The following SYNE1 variants were observed in gnomAD, a reference collection of about 807,000 sequenced individuals.
SYNE1 encodes spectrin repeat containing nuclear envelope protein 1.
SYNE1 carries 616 observed loss-of-function variants against 1,111.0 expected under a neutral mutation model. That is an observed-to-expected ratio of 0.55 (90% CI 0.52 to 0.59). SYNE1 has a LOEUF of 0.59. Ranked by LOEUF, SYNE1 falls within the 20% of genes least tolerant of loss-of-function variation. The probability of loss-of-function intolerance (pLI) is 0.00; values close to 1 mark genes in which losing one functional copy is unlikely to be tolerated. For missense variants in SYNE1, 10,006 were observed against 10,417.0 expected (o/e 0.96, Z 1.72); for synonymous variants, 3,855 against 3,825.8 (o/e 1.01, Z -0.28).
chr6:152,204,405 A>G (rs79497279), intron 126 of SYNE1, among the ~76,000 whole-genome samples: 1,578 of 151,772 alleles, frequency 0.01, 32 homozygotes, highest in African/African-American at 0.036. Flanking sequence ...AAGAAAGATA[A>G]AAAAGATCAG....
At chr6:152,608,432 A>G (rs1285738501) in intron 3 of SYNE1, among the ~76,000 whole-genome samples, 1 of 152,212 alleles carries the variant, frequency 6.6e-6, no homozygotes, top group African/African-American at 2.4e-5. Flanking sequence ...AGCACACACA[A>G]AATATTAGTT....
chr6:152,148,314 G>A lies in SYNE1; in HGVS notation c.24707C>T (p.Ser8236Leu), dbSNP rs772737595. Residue 8236 changes from serine to leucine, a missense_variant, in exon 137 of 146, where the codon TCG becomes TTG. By Grantham distance (145) the Ser-to-Leu change is moderately radical (BLOSUM62 -2). Transcript: ENST00000367255. This position sits in a 1 kb window ranked among gnomAD's most constrained non-coding sequence, Gnocchi z 4.1. ...AGAGCGGTCGTGCCAGTGCAGGTCC[G>A]ACAGAGCTGCAGAGTCTTCCAGCTC... ...ELELEDSAALSDLHWHDRSAD... is the reference protein window; with the variant it reads ...ELELEDSAALLDLHWHDRSAD... 6 of 1,614,088 alleles carry A rather than the reference G, an allele frequency of 3.7e-6. No individual in the cohort carries two copies. Among genetic ancestry groups the A allele is most frequent in the Non-Finnish European group, 1.7e-6 (2 of 1,179,992 alleles).
intron 91 of SYNE1, among the ~76,000 whole-genome samples, chr6:152,302,430 A>G (rs2095226845): frequency 6.6e-6 from 1 of 152,260 alleles, no homozygotes; most frequent in Non-Finnish European, 1.5e-5. Flanking sequence ...GAAATTTACC[A>G]GATGGTTCCT....
rs766371549 is a variant in SYNE1 at position 152,224,516 on chromosome 6, T to G, written c.21500A>C (p.Gln7167Pro). ...TACCTGAAGATTGTCCACCTGAACT[T>G]GCACAGCTTCTAAGGAGCCAGTCAG... ...RLLTGSLEAV[Q>P]VQVDNLQNLQ... Residue 7167 changes from glutamine to proline, a missense_variant, in exon 117 of 146, where the codon CAA becomes CCA. Gln to Pro is a moderately conservative substitution (Grantham distance 76, BLOSUM62 -1). Around this residue, in one of 7 missense-constraint regions of SYNE1, gnomAD observed 2,182 missense variants for 2,287.8 expected, o/e 0.95. Coordinates refer to ENST00000367255, the MANE Select transcript of SYNE1 (RefSeq NM_182961.4). The G allele has an allele frequency of 6.2e-7, 1 of 1,613,950 alleles. No homozygotes were observed.
chr6:152,500,707 T>C (rs2099024811), intron 10 of SYNE1, among the ~76,000 whole-genome samples: 1 of 152,116 alleles, frequency 6.6e-6, no homozygotes, highest in South Asian at 2.1e-4. Context: ...CCCAGCACTT[T>C]GGGAGGCCGA....
chr6:152,305,467 A>G (rs914825879), intron 91 of SYNE1, among the ~76,000 whole-genome samples: 15 of 151,860 alleles, frequency 9.9e-5, no homozygotes, highest in African/African-American at 2.9e-4. Context: ...GTTTCACCAT[A>G]TTGGCCAGGC....
chr6:152,570,345 T>C (rs1001162711), intron 3 of SYNE1, among the ~76,000 whole-genome samples: 1 of 152,210 alleles, frequency 6.6e-6, no homozygotes, highest in South Asian at 2.1e-4. Context: ...ACCATTACTA[T>C]ATCATATATA....
chr6:152,317,938 T>A, intron 86 of SYNE1, 143 bp downstream of exon 86: 4 of 1,056,890 alleles, frequency 3.8e-6, no homozygotes, highest in Non-Finnish European at 4.3e-6. Context: ...ATCACAAGTG[T>A]AGCATGAAAT....
At chr6:152,173,780 A>C (rs1435763101) in intron 130 of SYNE1, among the ~76,000 whole-genome samples, 1 of 152,212 alleles carries the variant, frequency 6.6e-6, no homozygotes, top group African/African-American at 2.4e-5. Context: ...TTATCTGGGT[A>C]TTCTGAGGCT....
intron 11 of SYNE1, among the ~76,000 whole-genome samples, chr6:152,495,763 C>T (rs1342410638): frequency 6.6e-6 from 1 of 152,174 alleles, no homozygotes; most frequent in African/African-American, 2.4e-5. Flanking sequence ...CTAACCCTAG[C>T]CAATAGGGGA....
At chr6:152,571,975 A>G (rs1002052936) in intron 3 of SYNE1, among the ~76,000 whole-genome samples, 1 of 152,180 alleles carries the variant, frequency 6.6e-6, no homozygotes, top group Non-Finnish European at 1.5e-5. Context: ...CATATTTGTA[A>G]TTACAATAAC....
intron 87 of SYNE1, among the ~76,000 whole-genome samples, chr6:152,312,174 G>A (rs746973140): frequency 5.3e-5 from 8 of 150,656 alleles, no homozygotes; most frequent in Middle Eastern, 3.5e-3. Flanking sequence ...ATCTGTATAT[G>A]ATATATGATA....
intron 3 of SYNE1, among the ~76,000 whole-genome samples, chr6:152,568,289 C>CTTTTTTTTT (rs10601350): frequency 1.0e-4 from 8 of 80,310 alleles, no homozygotes; most frequent in African/African-American, 2.0e-4. Flanking sequence ...TTATTTTATT[C>CTTTTTTTTT]TTTTTTTTTT....
chr6:152,458,464 C>T (rs2098711445), intron 22 of SYNE1, among the ~76,000 whole-genome samples: 1 of 152,110 alleles, frequency 6.6e-6, no homozygotes, highest in African/African-American at 2.4e-5. Flanking sequence ...CAAAACAAAC[C>T]ATTTTTTCTA....
In SYNE1 at chr6:152,247,746, TATATAC is replaced by T. The variant is rs1441122768; in HGVS notation, c.19572+1409_19572+1414del. On this transcript the variant is annotated intron_variant, in intron 105 of 145. Coordinates refer to ENST00000367255, the MANE Select transcript of SYNE1 (RefSeq NM_182961.4). ...TTTTTATTATATATATATATATATA[TATATAC>T]ACACACACACACACACACACACACA... Among the ~76,000 whole-genome samples, 8 of 92,232 alleles carry T rather than the reference TATATAC, an allele frequency of 8.7e-5. No homozygotes were observed. The East Asian group carries it at 9.7e-4, about 11-fold the overall frequency. 60.5% of individuals were successfully genotyped at this position (92,232 alleles called of 152,430 possible). A position where few individuals can be genotyped will look rare whatever the true frequency, so the allele number is the denominator to read the frequency against.
chr6:152,494,796 A>G (rs1232785268), intron 11 of SYNE1, among the ~76,000 whole-genome samples: 1 of 152,188 alleles, frequency 6.6e-6, no homozygotes, highest in Admixed American at 6.5e-5. Flanking sequence ...GGAGTCCTTC[A>G]CTGCAAAGGC....
chr6:152,605,076 AGAAGGAAGGAAGGAAG>A (rs376634946), intron 3 of SYNE1, among the ~76,000 whole-genome samples: 4,939 of 32,434 alleles, frequency 0.15, 545 homozygotes, highest in South Asian at 0.19. Context: ...GAGGGAGGAA[AGAAGGAAGGAAGGAAG>A]GAAGGAAGGA....
At chr6:152,170,015 T>C (rs2064786990) in intron 130 of SYNE1, among the ~76,000 whole-genome samples, 1 of 152,178 alleles carries the variant, frequency 6.6e-6, no homozygotes, top group South Asian at 2.1e-4. Flanking sequence ...ACTTTGTTTT[T>C]TTCTTGATTA....
At chr6:152,574,303 A>G (rs1450826536) in intron 3 of SYNE1, among the ~76,000 whole-genome samples, 2 of 151,798 alleles carry the variant, frequency 1.3e-5, no homozygotes, top group Non-Finnish European at 2.9e-5. Context: ...TATAATATAT[A>G]TTTGTTGTTT....
Sources: gnomAD v4.1 joint callset for allele counts (sites outside exome capture counted in the v4.1 genomes callset) on GRCh38, gnomAD v4.1.1 for gene constraint, gnomAD v4.1.1 regional missense constraint, Gnocchi (gnomAD v3.1) non-coding constraint, MANE v1.5 for transcripts, NCBI Gene and HGNC (gene_info 2026-07-23, HGNC 2026-07-21) for gene names.